Variants in COL19A1 observed in about 807,000 individuals in gnomAD.
COL19A1 encodes the protein collagen type XIX alpha 1 chain.
COL19A1 carries 159 observed loss-of-function variants against 190.2 expected under a neutral mutation model. That is an observed-to-expected ratio of 0.84 (90% CI 0.73 to 0.95). The LOEUF (loss-of-function observed/expected upper bound fraction) is 0.95, where lower values mean the gene tolerates loss of function less well. Ranked by LOEUF, COL19A1 falls within the 40% of genes least tolerant of loss-of-function variation. The pLI is 0.00. For missense variants in COL19A1, 1,418 were observed against 1,431.9 expected (o/e 0.99, Z 0.16); for synonymous variants, 509 against 458.9 (o/e 1.11, Z -1.39).
intron 47 of COL19A1, 112 bp downstream of exon 47, chr6:70,188,357 TC>T: frequency 7.8e-7 from 1 of 1,274,368 alleles, no homozygotes; most frequent in Non-Finnish European, 1.0e-6. Context: ...CCTAAACTGG[TC>T]CCCGTGAGGG....
At chr6:70,192,618 A>T (rs1662844110) in intron 48 of COL19A1, among the ~76,000 whole-genome samples, 3 of 152,194 alleles carry the variant, frequency 2.0e-5, no homozygotes, top group Admixed American at 2.0e-4. Flanking sequence ...GAAAAAAGAC[A>T]TCTCAAGCTC....
intron 15 of COL19A1, among the ~76,000 whole-genome samples, chr6:70,076,534 C>T (rs1401834419): frequency 1.3e-5 from 2 of 152,228 alleles, no homozygotes; most frequent in Non-Finnish European, 2.9e-5. Flanking sequence ...CCTGCACCAA[C>T]ATTTGGGAAC....
At chr6:69,895,493 C>A (rs1267688851) in intron 2 of COL19A1, among the ~76,000 whole-genome samples, 1 of 152,124 alleles carries the variant, frequency 6.6e-6, no homozygotes. Context: ...GTGAGTAAGA[C>A]AGGGTTTTAT....
intron 14 of COL19A1, among the ~76,000 whole-genome samples, chr6:70,058,649 T>A (rs1308418944): frequency 1.3e-5 from 2 of 151,238 alleles, no homozygotes; most frequent in African/African-American, 4.9e-5. Flanking sequence ...TTAGGAAAAT[T>A]TTTTTCTTAT....
intron 35 of COL19A1, among the ~76,000 whole-genome samples, chr6:70,162,805 AG>A (rs1015893153): frequency 1.3e-5 from 2 of 152,228 alleles, no homozygotes; most frequent in African/African-American, 4.8e-5. Context: ...ACAGTTATAC[AG>A]AACAAACCTG....
chr6:69,929,053 T>G (rs1462752143), intron 5 of COL19A1, among the ~76,000 whole-genome samples: 1 of 152,008 alleles, frequency 6.6e-6, no homozygotes, highest in African/African-American at 2.4e-5. Flanking sequence ...GTGTTACTAA[T>G]ACAGAGCAAT....
intron 48 of COL19A1, among the ~76,000 whole-genome samples, chr6:70,194,791 G>A (rs73746895): frequency 4.5e-4 from 68 of 152,132 alleles, no homozygotes; most frequent in African/African-American, 1.6e-3. Flanking sequence ...CTAACATCTG[G>A]CTCTCTAAGT....
At chr6:70,153,618 A>G (rs1787226250) in intron 31 of COL19A1, among the ~76,000 whole-genome samples, 1 of 152,142 alleles carries the variant, frequency 6.6e-6, no homozygotes, top group South Asian at 2.1e-4. Context: ...AGTCTATTGA[A>G]TAATCTATTC....
intron 14 of COL19A1, among the ~76,000 whole-genome samples, chr6:70,050,783 T>G (rs1400318936): frequency 6.6e-6 from 1 of 152,140 alleles, no homozygotes; most frequent in Non-Finnish European, 1.5e-5. Flanking sequence ...CTGATTATTT[T>G]TGATCAATTT....
At chr6:70,180,163 G>A in intron 42 of COL19A1, 149 bp from the exon 43 acceptor site, 1 of 809,014 alleles carries the variant, frequency 1.2e-6, no homozygotes, top group Non-Finnish European at 2.0e-6. Flanking sequence ...TGGGATTCCA[G>A]ACATGAGCCA....
At chr6:70,060,391 C>T (rs919266140) in intron 14 of COL19A1, among the ~76,000 whole-genome samples, 1 of 151,994 alleles carries the variant, frequency 6.6e-6, no homozygotes, top group Non-Finnish European at 1.5e-5. Context: ...GGTCCCCAAC[C>T]CCCGGGAAAA....
chr6:70,117,998 A>G (rs978256739), intron 16 of COL19A1, among the ~76,000 whole-genome samples: 4 of 152,148 alleles, frequency 2.6e-5, no homozygotes, highest in African/African-American at 9.7e-5. Context: ...GTGTCTTTTG[A>G]TGGGTCCTTG....
At chr6:69,896,465 A>T (rs1024736595) in intron 2 of COL19A1, among the ~76,000 whole-genome samples, 1 of 137,912 alleles carries the variant, frequency 7.3e-6, no homozygotes, top group Non-Finnish European at 1.5e-5. Flanking sequence ...TGAACCCGGG[A>T]GGCGGAGCTT....
At chr6:70,163,027 A>T (rs896245217) in intron 35 of COL19A1, among the ~76,000 whole-genome samples, 4 of 152,246 alleles carry the variant, frequency 2.6e-5, no homozygotes, top group African/African-American at 9.6e-5. Flanking sequence ...TAGCTCATTT[A>T]GAAAGGCATA....
chr6:70,194,227 T>G (rs1767055903), intron 48 of COL19A1, among the ~76,000 whole-genome samples: 1 of 152,214 alleles, frequency 6.6e-6, no homozygotes, highest in Non-Finnish European at 1.5e-5. Context: ...TCATCCCAAG[T>G]GTCCAGATTA....
intron 2 of COL19A1, among the ~76,000 whole-genome samples, chr6:69,881,439 C>G (rs12189777): frequency 6.6e-6 from 1 of 152,082 alleles, no homozygotes. Context: ...TAACACAGTA[C>G]TGTTAATTAT....
intron 18 of COL19A1, 86 bp downstream of exon 18, chr6:70,130,309 TC>T: frequency 9.0e-7 from 1 of 1,107,850 alleles, no homozygotes; most frequent in Non-Finnish European, 1.3e-6. Flanking sequence ...CACTATAACC[TC>T]CACCTCCCAG....
At chr6:70,182,321 G>C (rs888814710) in intron 44 of COL19A1, among the ~76,000 whole-genome samples, 1 of 152,130 alleles carries the variant, frequency 6.6e-6, no homozygotes, top group Admixed American at 6.5e-5. Flanking sequence ...AACTATGTGA[G>C]AGTGCTGCTG....
At chr6:70,132,646 C>A (rs1223739274) in intron 18 of COL19A1, among the ~76,000 whole-genome samples, 1 of 152,132 alleles carries the variant, frequency 6.6e-6, no homozygotes, top group Non-Finnish European at 1.5e-5. Flanking sequence ...ATTGGAATCA[C>A]GTGGAAAGCT....
Sources: gnomAD v4.1 joint callset for allele counts (sites outside exome capture counted in the v4.1 genomes callset) on GRCh38, gnomAD v4.1.1 for gene constraint, MANE v1.5 for transcripts, NCBI Gene and HGNC (gene_info 2026-07-23, HGNC 2026-07-21) for gene names.